The following DNAH11 variants were observed in gnomAD, a reference collection of about 807,000 sequenced individuals.
DNAH11 encodes axonemal beta dynein heavy chain 11.
Under a neutral mutation model 526.0 loss-of-function variants are expected in DNAH11, and 442 were observed. That is an observed-to-expected ratio of 0.84 (90% confidence interval 0.78 to 0.91). The LOEUF is 0.91. Among genes scored for constraint, DNAH11 ranks in the 40% least tolerant of loss-of-function variants. The pLI is 0.00. For synonymous variants in DNAH11, 2,461 were observed against 1,935.9 expected (o/e 1.27, Z -7.12); for missense variants, 6,989 against 5,448.7 (o/e 1.28, Z -8.90).
At chr7:21,734,412 A>G (rs1032421799) in intron 45 of DNAH11, among the ~76,000 whole-genome samples, 8 of 152,262 alleles carry the variant, frequency 5.3e-5, no homozygotes, top group African/African-American at 1.9e-4. Flanking sequence ...GGGAAAAAAT[A>G]TGAGATGCAG....
intron 25 of DNAH11, among the ~76,000 whole-genome samples, chr7:21,626,901 C>T (rs943461476): frequency 1.3e-5 from 2 of 151,894 alleles, no homozygotes; most frequent in Non-Finnish European, 2.9e-5. Flanking sequence ...CAGGCGCCCG[C>T]CACCATGCCT....
chr7:21,900,001 G>A lies in DNAH11; in HGVS notation c.13184G>A (p.Arg4395Gln), dbSNP rs368249392. 2.9e-5 allele frequency: 46 copies of A among 1,613,656 alleles called. No homozygotes were observed. In the Admixed American group the frequency reaches 5.3e-4, roughly 19 times the overall value. The change falls in exon 81 of 82, where the codon CGA becomes CAA. Residue 4395 changes from arginine (R) to glutamine (Q), a missense_variant. By Grantham distance (43) the Arg-to-Gln change is conservative. Coordinates refer to ENST00000409508, the MANE Select transcript of DNAH11 (RefSeq NM_001277115.2). Reference protein sequence around the residue: ...FLTAIMQTMARKNEWPLDKTR... With the variant: ...FLTAIMQTMAQKNEWPLDKTR... ...AAAGCAATCATGCAGACGATGGCTC[G>A]AAAAAATGAGTGGCCCCTGGATAAA...
chr7:21,764,373 T>C (rs538488795), intron 54 of DNAH11, among the ~76,000 whole-genome samples: 2 of 152,254 alleles, frequency 1.3e-5, no homozygotes, highest in East Asian at 1.9e-4. Flanking sequence ...CTTTGAAAAA[T>C]GATTTCATCA....
chr7:21,544,933 A>T, intron 1 of DNAH11, 73 bp from the exon 2 acceptor site: 4 of 1,311,224 alleles, frequency 3.1e-6, no homozygotes, highest in Non-Finnish European at 4.1e-6. Flanking sequence ...CAATACAGCT[A>T]CAAGTTGGAT....
At chr7:21,747,470 T>A (rs1786199024) in intron 51 of DNAH11, among the ~76,000 whole-genome samples, 1 of 152,222 alleles carries the variant, frequency 6.6e-6, no homozygotes, top group South Asian at 2.1e-4. Context: ...TTGGGGTGTT[T>A]TACTATCTAC....
rs373342289 is a variant in DNAH11 at position 21,765,526 on chromosome 7, G to T, written c.9039G>T (p.Ala3013=). Residue 3013 remains alanine (A), a synonymous_variant, in exon 55 of 82, where the codon GCG becomes GCT. Coordinates refer to ENST00000409508, the MANE Select transcript of DNAH11 (RefSeq NM_001277115.2). ...GCACGGCTATTGACTGGTTTCATGCGTGGCCGCAGGAGGCTCTGGTCTCCG... is the reference window on the plus strand; with the variant it reads ...GCACGGCTATTGACTGGTTTCATGCTTGGCCGCAGGAGGCTCTGGTCTCCG... ...VNCTAIDWFH[A]WPQEALVSVS... 1.2e-6 allele frequency: 2 copies of T among 1,613,446 alleles called. No homozygotes were observed. The highest frequency in any genetic ancestry group is 1.7e-6 in the Non-Finnish European group (2 of 1,179,684).
intron 66 of DNAH11, among the ~76,000 whole-genome samples, chr7:21,849,026 C>G (rs1048051405): frequency 6.6e-6 from 1 of 152,192 alleles, no homozygotes; most frequent in Non-Finnish European, 1.5e-5. Context: ...GCTGGGATTA[C>G]AGGCATGTAC....
intron 55 of DNAH11, among the ~76,000 whole-genome samples, chr7:21,766,803 A>G (rs1045006669): frequency 1.3e-5 from 2 of 151,644 alleles, no homozygotes; most frequent in Admixed American, 6.6e-5. Context: ...CTTCTCCTTT[A>G]GTCTTTTCCT....
intron 25 of DNAH11, among the ~76,000 whole-genome samples, chr7:21,632,577 G>C (rs1213517064): frequency 6.6e-6 from 1 of 152,056 alleles, no homozygotes; most frequent in Non-Finnish European, 1.5e-5. Flanking sequence ...AAATCTCTAG[G>C]GCAGGGGAAA....
intron 20 of DNAH11, among the ~76,000 whole-genome samples, chr7:21,611,534 T>C (rs1785523897): frequency 6.6e-6 from 1 of 152,202 alleles, no homozygotes; most frequent in South Asian, 2.1e-4. Flanking sequence ...ACTAATACAC[T>C]GGTCAAAACA....
intron 51 of DNAH11, 67 bp downstream of exon 51, chr7:21,745,130 T>C: frequency 1.4e-6 from 2 of 1,475,850 alleles, no homozygotes; most frequent in Non-Finnish European, 9.2e-7. Flanking sequence ...TACTGTCATT[T>C]TTCAATAGAT....
At chr7:21,811,754 T>A (rs1789532798) in intron 63 of DNAH11, among the ~76,000 whole-genome samples, 1 of 152,192 alleles carries the variant, frequency 6.6e-6, no homozygotes, top group Non-Finnish European at 1.5e-5. Context: ...AGTAAAACTG[T>A]AAATAGTAGG....
chr7:21,635,736 T>C (rs1786831518), intron 25 of DNAH11, 135 bp from the exon 26 acceptor site: 3 of 621,822 alleles, frequency 4.8e-6, no homozygotes, highest in Admixed American at 6.8e-5. Context: ...CAAAAACTTA[T>C]TAAATGCCAG....
intron 52 of DNAH11, 91 bp from the exon 53 acceptor site, chr7:21,749,587 C>G: frequency 6.5e-7 from 1 of 1,533,524 alleles, no homozygotes; most frequent in Non-Finnish European, 8.9e-7. Flanking sequence ...TATGGCGATA[C>G]AGTTACTGAG....
chr7:21,604,949 C>T (rs1425131132), intron 18 of DNAH11, among the ~76,000 whole-genome samples: 2 of 152,120 alleles, frequency 1.3e-5, no homozygotes, highest in Non-Finnish European at 2.9e-5. Flanking sequence ...AGCCCAGGTC[C>T]CTTGGTTCCT....
chr7:21,836,605 A>G (rs1021096485), intron 65 of DNAH11, among the ~76,000 whole-genome samples: 1 of 152,160 alleles, frequency 6.6e-6, no homozygotes, highest in Admixed American at 6.5e-5. Context: ...AAGTAGATGA[A>G]AGACTTAAAT....
chr7:21,564,859 G>A (rs536930511), intron 6 of DNAH11, among the ~76,000 whole-genome samples: 14 of 151,726 alleles, frequency 9.2e-5, no homozygotes, highest in African/African-American at 3.4e-4. Flanking sequence ...AATCTCTTTT[G>A]TAATTGTGTC....
intron 11 of DNAH11, among the ~76,000 whole-genome samples, chr7:21,589,001 C>G (rs1371862366): frequency 6.6e-6 from 1 of 152,112 alleles, no homozygotes; most frequent in Non-Finnish European, 1.5e-5. Flanking sequence ...TTGCTATCAA[C>G]ATTTAGTAAA....
intron 30 of DNAH11, among the ~76,000 whole-genome samples, chr7:21,676,249 G>A (rs573789029): frequency 2.4e-4 from 37 of 152,326 alleles, no homozygotes; most frequent in Admixed American, 5.9e-4. Context: ...TCAAAGGGGC[G>A]TAGGTAGACT....
Sources: gnomAD v4.1 joint callset for allele counts (sites outside exome capture counted in the v4.1 genomes callset) on GRCh38, gnomAD v4.1.1 for gene constraint, MANE v1.5 for transcripts, NCBI Gene and HGNC (gene_info 2026-07-23, HGNC 2026-07-21) for gene names.